The following NELL1 variants were observed in gnomAD, a reference collection of about 807,000 sequenced individuals.
The protein encoded by NELL1 is protein kinase C-binding protein NELL1.
In NELL1, 76 loss-of-function variants were observed where a neutral mutation model predicts 107.4. The ratio of observed to expected loss-of-function variants is 0.71; its 90% confidence interval spans 0.59 to 0.86. The LOEUF (loss-of-function observed/expected upper bound fraction) is 0.86, where lower values mean the gene tolerates loss of function less well. Among genes scored for constraint, NELL1 ranks in the 40% least tolerant of loss-of-function variants. The pLI is 0.00. For synonymous variants in NELL1, 353 were observed against 341.2 expected (o/e 1.03, Z -0.38); for missense variants, 1,024 against 1,005.5 (o/e 1.02, Z -0.25).
intron 2 of NELL1, among the ~76,000 whole-genome samples, chr11:20,716,436 C>T (rs886464510): frequency 6.6e-6 from 1 of 152,228 alleles, no homozygotes; most frequent in African/African-American, 2.4e-5. Context: ...ATATTTGCCT[C>T]GATCTTTAAC....
chr11:21,449,106 A>T (rs1215577858), intron 15 of NELL1, among the ~76,000 whole-genome samples: 1 of 152,122 alleles, frequency 6.6e-6, no homozygotes, highest in Non-Finnish European at 1.5e-5. Context: ...ATGGCAGGTG[A>T]ATATTTAACT....
chr11:20,988,414 C>CATGTACATATGTGTGTATATATATCTAT (rs1565001843), intron 12 of NELL1, among the ~76,000 whole-genome samples: 2 of 144,130 alleles, frequency 1.4e-5, no homozygotes, highest in Non-Finnish European at 3.0e-5. Context: ...TATATATACA[C>CATGTACATATGTGTGTATATATATCTAT]ATGTACATAT....
intron 15 of NELL1, among the ~76,000 whole-genome samples, chr11:21,392,149 C>T (rs1332797952): frequency 6.6e-6 from 1 of 151,808 alleles, no homozygotes; most frequent in East Asian, 1.9e-4. Flanking sequence ...TATGTTCTGA[C>T]CTTTGTGGTA....
At chr11:20,846,842 A>G (rs969024794) in intron 3 of NELL1, among the ~76,000 whole-genome samples, 25 of 152,328 alleles carry the variant, frequency 1.6e-4, no homozygotes, top group African/African-American at 5.5e-4. Flanking sequence ...GGCACCTGTG[A>G]AAGTACTAGC....
chr11:20,734,222 A>G (rs1855710926), intron 2 of NELL1, among the ~76,000 whole-genome samples: 1 of 152,188 alleles, frequency 6.6e-6, no homozygotes, highest in African/African-American at 2.4e-5. Flanking sequence ...GCAGGAGTTA[A>G]TGTCAGAGAG....
At chr11:21,542,494 T>C (rs1856315118) in intron 16 of NELL1, among the ~76,000 whole-genome samples, 1 of 152,038 alleles carries the variant, frequency 6.6e-6, no homozygotes, top group African/African-American at 2.4e-5. Flanking sequence ...TAGGGACTTA[T>C]TTTATTCACT....
chr11:21,494,496 C>G (rs954695127), intron 15 of NELL1, among the ~76,000 whole-genome samples: 1 of 151,920 alleles, frequency 6.6e-6, no homozygotes, highest in Non-Finnish European at 1.5e-5. Context: ...TTTTAGCACA[C>G]ACATGTGTGT....
chr11:21,178,017 C>T (rs1856748134), intron 13 of NELL1, among the ~76,000 whole-genome samples: 1 of 151,794 alleles, frequency 6.6e-6, no homozygotes, highest in Non-Finnish European at 1.5e-5. Context: ...TTGAATATTA[C>T]TCTCATATCT....
chr11:21,082,671 T>TC (rs1854297259), intron 12 of NELL1, among the ~76,000 whole-genome samples: 2 of 152,188 alleles, frequency 1.3e-5, no homozygotes, highest in Non-Finnish European at 2.9e-5. Flanking sequence ...TGCTATTTTT[T>TC]CTCAGACTTA....
intron 2 of NELL1, among the ~76,000 whole-genome samples, chr11:20,701,894 C>A (rs1360578288): frequency 1.3e-5 from 2 of 152,148 alleles, no homozygotes; most frequent in African/African-American, 4.8e-5. Context: ...CAGTACCATG[C>A]TGTTTTGGTT....
intron 15 of NELL1, among the ~76,000 whole-genome samples, chr11:21,396,611 AAG>A (rs1180193322): frequency 6.6e-6 from 1 of 151,676 alleles, no homozygotes; most frequent in Non-Finnish European, 1.5e-5. Context: ...TAGGGGAGAT[AAG>A]AGAGGCACAT....
At chr11:21,381,620 G>A (rs1032753369) in intron 15 of NELL1, among the ~76,000 whole-genome samples, 2 of 151,862 alleles carry the variant, frequency 1.3e-5, no homozygotes, top group East Asian at 1.9e-4. Context: ...TACTCAGCAG[G>A]TAAACAGTAA....
At chr11:21,493,714 A>G (rs1339258706) in intron 15 of NELL1, among the ~76,000 whole-genome samples, 1 of 152,054 alleles carries the variant, frequency 6.6e-6, no homozygotes, top group African/African-American at 2.4e-5. Flanking sequence ...GTTAGCAAGA[A>G]TGTATTATGT....
intron 9 of NELL1, among the ~76,000 whole-genome samples, chr11:20,936,565 G>A (rs1173784933): frequency 1.3e-5 from 2 of 152,238 alleles, no homozygotes; most frequent in Middle Eastern, 3.4e-3. Context: ...CCTCAACATC[G>A]AAGGGGGTCT....
intron 5 of NELL1, among the ~76,000 whole-genome samples, chr11:20,900,241 G>C (rs555596304): frequency 6.6e-6 from 1 of 152,120 alleles, no homozygotes; most frequent in Non-Finnish European, 1.5e-5. Context: ...CATGATCATG[G>C]AATAAAGTTT....
intron 14 of NELL1, among the ~76,000 whole-genome samples, chr11:21,370,631 T>C (rs1851336060): frequency 2.0e-5 from 3 of 152,216 alleles, no homozygotes; most frequent in African/African-American, 7.2e-5. Context: ...GCCAGCCCTA[T>C]GCTAAACATT....
intron 12 of NELL1, among the ~76,000 whole-genome samples, chr11:21,085,246 T>C (rs543524530): frequency 6.6e-6 from 1 of 152,228 alleles, no homozygotes; most frequent in South Asian, 2.1e-4. Context: ...AGGTGACAAA[T>C]AAAAAGTGAA....
At chr11:21,333,025 T>C (rs1314230057) in intron 14 of NELL1, among the ~76,000 whole-genome samples, 2 of 152,040 alleles carry the variant, frequency 1.3e-5, no homozygotes, top group Admixed American at 6.6e-5. Flanking sequence ...GGAAAGTGGT[T>C]GAATGTCATT....
At chr11:21,087,328 T>G (rs1227807503) in intron 12 of NELL1, among the ~76,000 whole-genome samples, 1 of 152,138 alleles carries the variant, frequency 6.6e-6, no homozygotes, top group African/African-American at 2.4e-5. Context: ...AAGAAAATTT[T>G]TTTGTTTGAG....
Sources: gnomAD v4.1 joint callset for allele counts (sites outside exome capture counted in the v4.1 genomes callset) on GRCh38, gnomAD v4.1.1 for gene constraint, MANE v1.5 for transcripts, NCBI Gene and HGNC (gene_info 2026-07-23, HGNC 2026-07-21) for gene names.